Variants in RBFOX3 observed in about 807,000 individuals in gnomAD.
The protein encoded by RBFOX3 is RNA binding fox-1 homolog 3.
In RBFOX3, 17 loss-of-function variants were observed where a neutral mutation model predicts 48.7. The ratio of observed to expected loss-of-function variants is 0.35; its 90% CI spans 0.24 to 0.52. RBFOX3 has a LOEUF of 0.52. Ranked by LOEUF, RBFOX3 falls within the 20% of genes least tolerant of loss-of-function variation. The pLI, the probability that RBFOX3 is intolerant of heterozygous loss-of-function variation, is 0.94. For synonymous variants in RBFOX3, 212 were observed against 209.5 expected, an observed-to-expected ratio of 1.01 and a Z score of -0.10; for missense variants, 382 against 497.5, an observed-to-expected ratio of 0.77 and a Z score of 2.21.
intron 4 of RBFOX3, among the ~76,000 whole-genome samples, chr17:79,192,155 C>T (rs566585344): frequency 3.3e-5 from 5 of 152,196 alleles, no homozygotes; most frequent in South Asian, 2.1e-4. Flanking sequence ...TGGGGTCCAG[C>T]GATGTTTTGG....
intron 5 of RBFOX3, among the ~76,000 whole-genome samples, chr17:79,112,178 G>A (rs1014635384): frequency 1.3e-5 from 2 of 152,174 alleles, no homozygotes; most frequent in Non-Finnish European, 2.9e-5. Context: ...GGGGGTGGTC[G>A]GGACCCACCC....
intron 2 of RBFOX3, among the ~76,000 whole-genome samples, chr17:79,316,536 G>A (rs556469471): frequency 8.5e-4 from 130 of 152,342 alleles, no homozygotes; most frequent in African/African-American, 3.0e-3. Flanking sequence ...AGCTCCAAAC[G>A]TGAGAAAGGG....
At chr17:79,478,632 T>C (rs1475785309) in intron 2 of RBFOX3, among the ~76,000 whole-genome samples, 1 of 152,160 alleles carries the variant, frequency 6.6e-6, no homozygotes, top group Non-Finnish European at 1.5e-5. Context: ...AAAATTCAGG[T>C]TATCCCATGA....
Position 79,311,286 on chromosome 17 carries a change from A to G in RBFOX3, c.-174-3462T>C, listed in dbSNP as rs1433492487. Among the ~76,000 whole-genome samples, 1 of 152,082 alleles carries G rather than the reference A, an allele frequency of 6.6e-6. No homozygotes were observed. Among genetic ancestry groups the G allele is most frequent in the Non-Finnish European group, 1.5e-5 (1 of 68,022 alleles). On this transcript the variant is annotated intron_variant, in intron 2 of 14. Transcript: ENST00000693108. The surrounding 1 kb of genome is among the most constrained non-coding windows in gnomAD (Gnocchi z 4.2). ...CATCTCTATTAAAAATACAAAAATT[A>G]GCTAGGCATGTTGGTGGGCACCTGT...
At chr17:79,498,796 C>T (rs1036354856) in intron 1 of RBFOX3, among the ~76,000 whole-genome samples, 1 of 151,748 alleles carries the variant, frequency 6.6e-6, no homozygotes, top group African/African-American at 2.4e-5. Context: ...TCCACTCACC[C>T]ACCCTTCCAT....
chr17:79,341,653 A>G (rs542127524), intron 2 of RBFOX3, among the ~76,000 whole-genome samples: 2 of 152,116 alleles, frequency 1.3e-5, no homozygotes, highest in Admixed American at 1.3e-4. Flanking sequence ...CCATTTCTCT[A>G]CCTGGAGAAG....
intron 2 of RBFOX3, among the ~76,000 whole-genome samples, chr17:79,408,090 T>G (rs934998794): frequency 4.1e-4 from 62 of 152,128 alleles, no homozygotes; most frequent in African/African-American, 1.3e-3. Context: ...GGAAGCTGCT[T>G]CTGATCTCCA....
intron 2 of RBFOX3, among the ~76,000 whole-genome samples, chr17:79,335,608 C>T (rs4429327): frequency 0.042 from 6,465 of 152,232 alleles, 445 homozygotes; most frequent in East Asian, 0.21. Flanking sequence ...CACCCCTTGG[C>T]GCAGAACCCC....
At position 79,198,195 on chromosome 17, in the gene RBFOX3, A is replaced by G. The variant is rs1227738198; in HGVS notation, c.-34+37571T>C. ...AGTGCTACGGTTGCATCGCTGGACC[A>G]TCCTCAACACTGGACCAGACCAGAA... is the stretch of plus-strand genomic sequence containing the variant. On this transcript the variant is annotated intron_variant, in intron 4 of 14. Coordinates refer to ENST00000693108, the MANE Select transcript of RBFOX3 (RefSeq NM_001350451.2). The surrounding 1 kb of genome is among the most constrained non-coding windows in gnomAD (Gnocchi z 8.2). Among the ~76,000 whole-genome samples the G allele has an allele frequency of 6.6e-6, 1 of 152,112 alleles. No individual in the cohort carries two copies. The highest frequency in any genetic ancestry group is 1.5e-5 in the Non-Finnish European group (1 of 68,020).
chr17:79,137,532 A>G (rs987515455), intron 4 of RBFOX3, among the ~76,000 whole-genome samples: 1 of 151,944 alleles, frequency 6.6e-6, no homozygotes, highest in Admixed American at 6.5e-5. Flanking sequence ...ACCTACACAC[A>G]TTTCCCACCC....
At chr17:79,217,150 A>G (rs2059162852) in intron 4 of RBFOX3, among the ~76,000 whole-genome samples, 1 of 151,996 alleles carries the variant, frequency 6.6e-6, no homozygotes, top group Non-Finnish European at 1.5e-5. Context: ...CCTGCAACCC[A>G]CTCTTGCTTT....
rs886192528 is a variant in RBFOX3 at position 79,204,794 on chromosome 17, G to T, written c.-34+30972C>A. On this transcript the variant is annotated intron_variant, in intron 4 of 14. Coordinates refer to ENST00000693108, the MANE Select transcript of RBFOX3 (RefSeq NM_001350451.2). The surrounding 1 kb of genome is among the most constrained non-coding windows in gnomAD (Gnocchi z 4.5). Reference sequence around the variant, plus strand: ...ATGAGAAGATTCTAGAATAGCAGGGGCCAGATAGTTGCATTTAACCATCAG... The same window carrying T: ...ATGAGAAGATTCTAGAATAGCAGGGTCCAGATAGTTGCATTTAACCATCAG... Among the ~76,000 whole-genome samples the T allele has an allele frequency of 2.0e-5, 3 of 152,146 alleles. No homozygotes were observed. Among genetic ancestry groups the T allele is most frequent in the Admixed American group, 6.5e-5 (1 of 15,272 alleles).
At chr17:79,180,563 C>T (rs2051679111) in intron 4 of RBFOX3, among the ~76,000 whole-genome samples, 1 of 152,162 alleles carries the variant, frequency 6.6e-6, no homozygotes, top group South Asian at 2.1e-4. Flanking sequence ...CGGGTATGGC[C>T]CTAGGCCCCT....
At chr17:79,101,152 C>T (rs7216920) in intron 9 of RBFOX3, among the ~76,000 whole-genome samples, 207 of 152,118 alleles carry the variant, frequency 1.4e-3, no homozygotes, top group African/African-American at 4.8e-3. Context: ...TCATCCAAGG[C>T]CCCCCGTGCC....
At chr17:79,644,981 A>C in the RBFOX3 span, among the ~76,000 whole-genome samples, 140 of 152,306 alleles carry the variant, frequency 9.2e-4, no homozygotes, top group South Asian at 0.028. Context: ...AAAACAAAAC[A>C]CCTGTAGTTA....
At chr17:79,292,399 G>C (rs1272572790) in intron 3 of RBFOX3, among the ~76,000 whole-genome samples, 1 of 152,084 alleles carries the variant, frequency 6.6e-6, no homozygotes, top group Non-Finnish European at 1.5e-5. Flanking sequence ...GACCAGTGCT[G>C]TCTCCCCACT....
chr17:79,627,113 C>G, the RBFOX3 span, among the ~76,000 whole-genome samples: 2 of 152,220 alleles, frequency 1.3e-5, no homozygotes, highest in Non-Finnish European at 2.9e-5. Context: ...GGAGGTGTGA[C>G]CAGGCTGGGG....
intron 1 of RBFOX3, among the ~76,000 whole-genome samples, chr17:79,582,675 T>C (rs1465070313): frequency 6.7e-6 from 1 of 148,392 alleles, no homozygotes; most frequent in African/African-American, 2.5e-5. Flanking sequence ...CATATGCCTG[T>C]AGTCCCAGCT....
the RBFOX3 span, among the ~76,000 whole-genome samples, chr17:79,618,439 G>A: frequency 6.6e-5 from 10 of 152,276 alleles, no homozygotes; most frequent in South Asian, 2.1e-4. Flanking sequence ...CATCCAAGCC[G>A]TGTGTCTGCT....
Sources: allele counts gnomAD v4.1 joint callset (sites outside exome capture counted in the v4.1 genomes callset), GRCh38; gene constraint gnomAD v4.1.1; non-coding constraint Gnocchi (gnomAD v3.1); transcripts MANE v1.5; gene names NCBI Gene and HGNC (gene_info 2026-07-23, HGNC 2026-07-21).